TNIK: variants seen among roughly 807,000 people sequenced by gnomAD.
The protein encoded by TNIK is TRAF2 and NCK-interacting protein kinase.
Under a neutral mutation model 191.3 loss-of-function variants are expected in TNIK, and 49 were observed. The observed-to-expected ratio is 0.26, with a 90% CI of 0.20 to 0.32. The LOEUF is 0.32. Ranked by LOEUF, TNIK falls within the 10% of genes least tolerant of loss-of-function variation. TNIK has a pLI of 1.00. For missense variants in TNIK, 1,155 were observed against 1,702.3 expected (o/e 0.68, Z 5.66); for synonymous variants, 594 against 600.9 (o/e 0.99, Z 0.17).
intron 2 of TNIK, among the ~76,000 whole-genome samples, chr3:171,265,065 T>C (rs534546139): frequency 6.6e-6 from 1 of 152,290 alleles, no homozygotes; most frequent in East Asian, 1.9e-4. Context: ...TGAGTGCTCA[T>C]TAGGCATCTA....
chr3:171,376,463 C>T (rs1364323677), intron 1 of TNIK, among the ~76,000 whole-genome samples: 2 of 152,190 alleles, frequency 1.3e-5, no homozygotes, highest in African/African-American at 2.4e-5. Flanking sequence ...GTGTGTTATA[C>T]ACTGTCCAAG....
intron 3 of TNIK, among the ~76,000 whole-genome samples, chr3:171,216,651 TCA>T (rs922418899): frequency 5.9e-5 from 9 of 152,178 alleles, no homozygotes; most frequent in African/African-American, 2.2e-4. Context: ...GCTTTTTAAA[TCA>T]CAGTTTATTA....
Position 171,144,333 on chromosome 3 carries a change from C to T in TNIK, c.1222-3824G>A, listed in dbSNP as rs116609971. On this transcript the variant is annotated intron_variant, in intron 12 of 32. Transcript: ENST00000436636. ...TGCCTTACTCTATGGAGTAGATAAT[C>T]AGGGACTTCATGTCCCTTTTGTCTT... Among the ~76,000 whole-genome samples the T allele has an allele frequency of 8.7e-3, 1,324 of 152,248 alleles. 18 individuals carry two copies. Among genetic ancestry groups the T allele is most frequent in the African/African-American group, 0.03 (1,238 of 41,546 alleles).
At chr3:171,278,802 G>A (rs903053859) in intron 2 of TNIK, among the ~76,000 whole-genome samples, 4 of 152,180 alleles carry the variant, frequency 2.6e-5, no homozygotes, top group East Asian at 1.9e-4. Context: ...ACTGTCAAAA[G>A]AACTTATGCT....
At chr3:171,194,440 G>T in intron 5 of TNIK, 85 bp downstream of exon 5, 1 of 1,202,238 alleles carries the variant, frequency 8.3e-7, no homozygotes, top group Non-Finnish European at 1.2e-6. Flanking sequence ...TCACTAGAAA[G>T]TCAGAAAAAA....
At position 171,266,486 on chromosome 3, in the gene TNIK, C is replaced by G. The variant is rs186118777; in HGVS notation, c.124-38265G>C. On this transcript the variant is annotated intron_variant, in intron 2 of 32. Coordinates refer to ENST00000436636, the MANE Select transcript of TNIK (RefSeq NM_015028.4). Reference sequence around the variant, plus strand: ...TGACTCTTCCTTAGGTTGCCCCCAACCCAGGCTGTCACCTGGGCACACAGA... The same window carrying G: ...TGACTCTTCCTTAGGTTGCCCCCAAGCCAGGCTGTCACCTGGGCACACAGA... Among the ~76,000 whole-genome samples, 10 of 152,272 alleles carry G rather than the reference C, an allele frequency of 6.6e-5. No individual in the cohort carries two copies. In the East Asian group the frequency reaches 1.7e-3, roughly 26 times the overall value.
intron 14 of TNIK, 59 bp from the exon 15 acceptor site, chr3:171,138,438 GGCC>G (rs1417210403): frequency 1.5e-4 from 210 of 1,427,926 alleles, no homozygotes; most frequent in Non-Finnish European, 1.9e-4. Context: ...AGAAATCATC[GGCC>G]AGTACCAGAT....
chr3:171,256,796 G>A (rs1428070297), intron 2 of TNIK, among the ~76,000 whole-genome samples: 1 of 152,030 alleles, frequency 6.6e-6, no homozygotes, highest in South Asian at 2.1e-4. Flanking sequence ...TGAGGCCAGG[G>A]ATCAAAATAA....
At chr3:171,351,000 C>T (rs1203463527) in intron 2 of TNIK, among the ~76,000 whole-genome samples, 4 of 152,238 alleles carry the variant, frequency 2.6e-5, no homozygotes, top group East Asian at 1.9e-4. Context: ...AAGCTATTCG[C>T]GTGCCTCAGC....
chr3:171,103,092 T>A (rs1028901221), intron 21 of TNIK, among the ~76,000 whole-genome samples: 5 of 152,306 alleles, frequency 3.3e-5, no homozygotes, highest in East Asian at 1.9e-4. Context: ...TAAATTTGTC[T>A]TGATGACACC....
Position 171,343,907 on chromosome 3 carries a change from G to C in TNIK, c.123+25713C>G, listed in dbSNP as rs939648563. On this transcript the variant is annotated intron_variant, in intron 2 of 32. Coordinates refer to ENST00000436636, the MANE Select transcript of TNIK (RefSeq NM_015028.4). ...TTGTTTCAGTAAAACAAAAGGGGGAGTTCCTTCCTCATATGACTCTGCTCA... is the reference window on the plus strand; with the variant it reads ...TTGTTTCAGTAAAACAAAAGGGGGACTTCCTTCCTCATATGACTCTGCTCA... Among the ~76,000 whole-genome samples, 3 of 152,266 alleles carry C rather than the reference G, an allele frequency of 2.0e-5. No individual in the cohort carries two copies. The East Asian group carries it at 5.8e-4, about 29-fold the overall frequency.
intron 2 of TNIK, among the ~76,000 whole-genome samples, chr3:171,334,240 C>T (rs1023086373): frequency 8.5e-5 from 13 of 152,194 alleles, no homozygotes; most frequent in African/African-American, 2.9e-4. Flanking sequence ...ACCCAAGTAG[C>T]CTGCCTGTTT....
intron 1 of TNIK, among the ~76,000 whole-genome samples, chr3:171,404,736 A>G (rs1721439606): frequency 6.6e-6 from 1 of 152,208 alleles, no homozygotes; most frequent in Non-Finnish European, 1.5e-5. Flanking sequence ...TTTCACAGAT[A>G]GGGAGTCTAA....
chr3:171,373,348 T>C (rs1032220767), intron 1 of TNIK, among the ~76,000 whole-genome samples: 1 of 151,182 alleles, frequency 6.6e-6, no homozygotes, highest in Non-Finnish European at 1.5e-5. Context: ...ACAGATTCTA[T>C]AATATTTCTT....
chr3:171,146,570 G>A (rs181298411), intron 12 of TNIK, among the ~76,000 whole-genome samples: 3 of 152,242 alleles, frequency 2.0e-5, no homozygotes, highest in African/African-American at 7.2e-5. Context: ...CCACCAATAC[G>A]AACACTGAAG....
chr3:171,354,743 A>G (rs1713764185), intron 2 of TNIK, among the ~76,000 whole-genome samples: 1 of 152,226 alleles, frequency 6.6e-6, no homozygotes, highest in South Asian at 2.1e-4. Flanking sequence ...AAACATTGTC[A>G]ATACCTATCT....
intron 27 of TNIK, among the ~76,000 whole-genome samples, chr3:171,081,588 C>T (rs945089429): frequency 6.7e-6 from 1 of 148,558 alleles, no homozygotes; most frequent in African/African-American, 2.5e-5. Flanking sequence ...ACGGGTGTTA[C>T]TCGTTAAACT....
chr3:171,311,033 C>G (rs142243998), intron 2 of TNIK, among the ~76,000 whole-genome samples: 1 of 152,044 alleles, frequency 6.6e-6, no homozygotes, highest in Non-Finnish European at 1.5e-5. Flanking sequence ...CTCCACTCAC[C>G]GCTCCTACTC....
At chr3:171,147,270 C>G (rs1731760421) in intron 12 of TNIK, among the ~76,000 whole-genome samples, 1 of 152,178 alleles carries the variant, frequency 6.6e-6, no homozygotes, top group South Asian at 2.1e-4. Flanking sequence ...CACCCAGGGG[C>G]TCTCTGTTCA....
Sources: gnomAD v4.1 joint callset for allele counts (sites outside exome capture counted in the v4.1 genomes callset) on GRCh38, gnomAD v4.1.1 for gene constraint, MANE v1.5 for transcripts, NCBI Gene and HGNC (gene_info 2026-07-23, HGNC 2026-07-21) for gene names.